GREB1L: variants seen among roughly 807,000 people sequenced by gnomAD.
The protein encoded by GREB1L is GREB1 like retinoic acid receptor coactivator.
Under a neutral mutation model 200.8 loss-of-function variants are expected in GREB1L, and 17 were observed. The observed-to-expected ratio is 0.08, with a 90% CI of 0.06 to 0.13. GREB1L has a LOEUF of 0.13. GREB1L is among the 10% of genes least tolerant of loss of function. GREB1L has a pLI of 1.00. For missense variants in GREB1L, 1,657 were observed against 2,367.7 expected (o/e 0.70, Z 6.23); for synonymous variants, 789 against 893.0 (o/e 0.88, Z 2.08).
At chr18:21,311,623 A>G (rs1313096693) in intron 1 of GREB1L, among the ~76,000 whole-genome samples, 1 of 152,190 alleles carries the variant, frequency 6.6e-6, no homozygotes, top group African/African-American at 2.4e-5. Flanking sequence ...ACATTATTCT[A>G]AAGATACTAT....
intron 2 of GREB1L, among the ~76,000 whole-genome samples, chr18:21,375,599 A>G (rs1598715448): frequency 6.6e-6 from 1 of 152,098 alleles, no homozygotes; most frequent in Non-Finnish European, 1.5e-5. Context: ...CATTTACCCA[A>G]TTGGGCCATC....
At chr18:21,340,928 G>A (rs1280675637) in intron 1 of GREB1L, among the ~76,000 whole-genome samples, 2 of 152,188 alleles carry the variant, frequency 1.3e-5, no homozygotes, top group Non-Finnish European at 2.9e-5. Flanking sequence ...TTTATATAAG[G>A]AGGAGTGTTA....
intron 4 of GREB1L, among the ~76,000 whole-genome samples, chr18:21,393,047 C>T (rs2040892143): frequency 6.6e-6 from 1 of 152,204 alleles, no homozygotes; most frequent in Non-Finnish European, 1.5e-5. Flanking sequence ...GCTGGGATTA[C>T]AGGCGTGAGC....
chr18:21,286,123 T>G (rs978291874), intron 1 of GREB1L, among the ~76,000 whole-genome samples: 5 of 152,222 alleles, frequency 3.3e-5, no homozygotes, highest in African/African-American at 9.6e-5. Flanking sequence ...AATATTAGAT[T>G]AAACAGGCAT....
intron 1 of GREB1L, among the ~76,000 whole-genome samples, chr18:21,279,891 A>G (rs937395646): frequency 2.6e-5 from 4 of 152,154 alleles, no homozygotes; most frequent in Non-Finnish European, 5.9e-5. Flanking sequence ...ATTTTAGAGC[A>G]GTGTTAGCTT....
intron 1 of GREB1L, among the ~76,000 whole-genome samples, chr18:21,293,270 C>T (rs925295243): frequency 3.3e-5 from 5 of 152,076 alleles, no homozygotes; most frequent in African/African-American, 7.2e-5. Context: ...TCTGGTTCTA[C>T]GATTAAGGAG....
At position 21,505,566 on chromosome 18, in the gene GREB1L, A is replaced by C; in HGVS notation, c.4227A>C (p.Gln1409His). 6.4e-7 allele frequency: 1 copy of C among 1,551,676 alleles called. No individual in the cohort carries two copies. The highest frequency in any genetic ancestry group is 2.0e-5 in the Admixed American group (1 of 51,002). ...VYTEKLAGVK[Q>H]EVIKESKVEE... ...CTGAGAAGCTGGCAGGGGTCAAACA[A>C]GGTCAGTGCAATCAGCCAAGTTCAC... Residue 1409 changes from glutamine to histidine, a missense_variant and splice_region_variant, in exon 24 of 33, where the codon CAA (glutamine) becomes CAC (histidine). Physicochemically the swap from Gln to His is conservative, Grantham distance 24. This residue lies in a region of GREB1L where 512 missense variants were observed against 668.3 expected (regional missense o/e 0.77). Coordinates refer to ENST00000424526, the MANE Select transcript of GREB1L (RefSeq NM_001142966.3).
intron 23 of GREB1L, among the ~76,000 whole-genome samples, chr18:21,505,015 C>T (rs1598942269): frequency 2.0e-5 from 3 of 152,124 alleles, no homozygotes; most frequent in South Asian, 4.1e-4. Context: ...CTGATTGTAA[C>T]GTGCGGAAGA....
At chr18:21,432,165 C>T (rs945553628) in intron 7 of GREB1L, among the ~76,000 whole-genome samples, 5 of 151,866 alleles carry the variant, frequency 3.3e-5, no homozygotes, top group South Asian at 2.1e-4. Context: ...CTTCATGATC[C>T]GCCCACCTCG....
intron 17 of GREB1L, among the ~76,000 whole-genome samples, chr18:21,477,800 C>G (rs1237199513): frequency 6.9e-6 from 1 of 144,726 alleles, no homozygotes; most frequent in Non-Finnish European, 1.5e-5. Flanking sequence ...AAAAAAAAAA[C>G]AAAAAACTAA....
chr18:21,470,470 A>G (rs1458780507), intron 15 of GREB1L, among the ~76,000 whole-genome samples: 1 of 152,154 alleles, frequency 6.6e-6, no homozygotes, highest in South Asian at 2.1e-4. Flanking sequence ...TTATTCCTAG[A>G]TACATAATAT....
At chr18:21,375,736 G>A (rs539812396) in intron 2 of GREB1L, among the ~76,000 whole-genome samples, 5 of 152,148 alleles carry the variant, frequency 3.3e-5, no homozygotes, top group Admixed American at 6.5e-5. Context: ...TCTTAGGCAA[G>A]TTCCTTAACT....
chr18:21,280,826 C>G (rs1229425945), intron 1 of GREB1L, among the ~76,000 whole-genome samples: 2 of 152,156 alleles, frequency 1.3e-5, no homozygotes, highest in Admixed American at 1.3e-4. Flanking sequence ...GTAATCCATG[C>G]TTTCTCGCTC....
intron 1 of GREB1L, among the ~76,000 whole-genome samples, chr18:21,315,099 T>C (rs2144841416): frequency 6.6e-6 from 1 of 152,332 alleles, no homozygotes; most frequent in Non-Finnish European, 1.5e-5. Flanking sequence ...TATTTATTTT[T>C]ATTTTTTGAA....
chr18:21,267,726 T>C (rs1247168697), intron 1 of GREB1L, among the ~76,000 whole-genome samples: 2 of 152,120 alleles, frequency 1.3e-5, no homozygotes, highest in Admixed American at 6.5e-5. Context: ...GCAGGAATTT[T>C]TTTTTCTACT....
At chr18:21,398,442 A>G (rs1001692275) in intron 5 of GREB1L, among the ~76,000 whole-genome samples, 11 of 152,194 alleles carry the variant, frequency 7.2e-5, no homozygotes, top group African/African-American at 2.2e-4. Context: ...AAATACCCTT[A>G]CAGACTTGGA....
intron 23 of GREB1L, among the ~76,000 whole-genome samples, chr18:21,501,871 T>C (rs1477301735): frequency 6.6e-6 from 1 of 152,196 alleles, no homozygotes; most frequent in Non-Finnish European, 1.5e-5. Flanking sequence ...TTGATAGGGC[T>C]GTGGAAGCCA....
intron 1 of GREB1L, among the ~76,000 whole-genome samples, chr18:21,326,969 T>C (rs111673977): frequency 1.3e-5 from 2 of 152,310 alleles, no homozygotes; most frequent in Middle Eastern, 3.4e-3. Flanking sequence ...GGCTTAAAGA[T>C]TGGTCTAGCC....
intron 2 of GREB1L, among the ~76,000 whole-genome samples, chr18:21,372,819 G>A (rs1433527352): frequency 6.6e-6 from 1 of 152,166 alleles, no homozygotes; most frequent in African/African-American, 2.4e-5. Context: ...TAGTTGGGAG[G>A]CTGAGGCAGG....
Sources: gnomAD v4.1 joint callset for allele counts (sites outside exome capture counted in the v4.1 genomes callset) on GRCh38, gnomAD v4.1.1 for gene constraint, gnomAD v4.1.1 regional missense constraint, MANE v1.5 for transcripts, NCBI Gene and HGNC (gene_info 2026-07-23, HGNC 2026-07-21) for gene names.